Variants in EPHA6 observed in about 807,000 individuals in gnomAD.
EPHA6 encodes ephrin type-A receptor 6.
Under a neutral mutation model 112.0 loss-of-function variants are expected in EPHA6, and 50 were observed. The observed-to-expected ratio is 0.45, with a 90% CI of 0.36 to 0.56. The LOEUF is 0.56. Among genes scored for constraint, EPHA6 ranks in the 20% least tolerant of loss-of-function variants. The probability of loss-of-function intolerance (pLI) is 0.00; values close to 1 mark genes in which losing one functional copy is unlikely to be tolerated. For synonymous variants in EPHA6, 529 were observed against 490.7 expected (o/e 1.08, Z -1.03); for missense variants, 1,280 against 1,417.4 (o/e 0.90, Z 1.56).
rs555609988 is a variant in EPHA6, at chr3:97,373,718, T to G, written c.1607-31432T>G. Among the ~76,000 whole-genome samples, 98 of 152,244 alleles carry G rather than the reference T, an allele frequency of 6.4e-4. 1 individual carries two copies. The highest frequency in any genetic ancestry group is 2.2e-3 in the African/African-American group (91 of 41,556). On this transcript the variant is annotated intron_variant, in intron 5 of 17. Transcript: ENST00000389672. ...ATCATTTTTAAAGAAAATATATGAT[T>G]CTGAGCTTATCTTTTATTGCTATCT...
At chr3:97,596,731 G>C (rs1269847067) in intron 12 of EPHA6, among the ~76,000 whole-genome samples, 1 of 142,652 alleles carries the variant, frequency 7.0e-6, no homozygotes, top group East Asian at 2.1e-4. Context: ...TTTTCTATCA[G>C]TTGTGAGACT....
At chr3:97,449,237 G>T (rs139351395) in intron 7 of EPHA6, among the ~76,000 whole-genome samples, 375 of 152,200 alleles carry the variant, frequency 2.5e-3, no homozygotes, top group African/African-American at 8.6e-3. Context: ...ACCAAAATGG[G>T]AGATGAAGGG....
chr3:97,090,926 G>A (rs1312819602), intron 3 of EPHA6, among the ~76,000 whole-genome samples: 1 of 152,062 alleles, frequency 6.6e-6, no homozygotes, highest in Non-Finnish European at 1.5e-5. Context: ...AATATATGTT[G>A]CAGTGAATAA....
Position 97,716,592 on chromosome 3 carries a change from A to G in EPHA6, c.2785-3669A>G, listed in dbSNP as rs867253424. Among the ~76,000 whole-genome samples the G allele has an allele frequency of 2.9e-4, 36 of 124,402 alleles. No individual in the cohort carries two copies. The South Asian group carries it at 3.3e-3, about 11-fold the overall frequency. The allele number at this position is 124,402 out of a possible 152,430, so 81.6% of individuals were successfully genotyped here. A position where few individuals can be genotyped will look rare whatever the true frequency, so the allele number is the denominator to read the frequency against. On this transcript the variant is annotated intron_variant, in intron 14 of 17. Coordinates refer to ENST00000389672, the MANE Select transcript of EPHA6 (RefSeq NM_001080448.3). The stretch of plus-strand genomic sequence containing the variant: ...TCCGTCTCAAAAAAAAAAAAAAAAA[A>G]AAAAAAGAAAAGACCCAGGTGCTTC...
At chr3:97,401,729 T>C (rs1047754879) in intron 5 of EPHA6, among the ~76,000 whole-genome samples, 2 of 151,916 alleles carry the variant, frequency 1.3e-5, no homozygotes, top group Non-Finnish European at 2.9e-5. Flanking sequence ...TTGTTCTTGC[T>C]TTTCTAGTTC....
chr3:97,404,913 C>T (rs938755920), intron 5 of EPHA6, among the ~76,000 whole-genome samples: 3 of 152,004 alleles, frequency 2.0e-5, no homozygotes, highest in Non-Finnish European at 4.4e-5. Flanking sequence ...GAGTTCTGGC[C>T]CTTACTCTTG....
chr3:96,995,982 T>C (rs1031978986), intron 3 of EPHA6, among the ~76,000 whole-genome samples: 3 of 152,138 alleles, frequency 2.0e-5, no homozygotes, highest in Admixed American at 1.3e-4. Context: ...GTGTTTAATA[T>C]CATTTTACCC....
At position 97,107,732 on chromosome 3, in the gene EPHA6, T is replaced by C. The variant is rs555830614; in HGVS notation, c.1115-118532T>C. On this transcript the variant is annotated intron_variant, in intron 3 of 17. Transcript: ENST00000389672. ...ATGTCTTCTATTAGAATTTACTTGA[T>C]TCTGATGTATTAGGGAGGCTGAATT... 6.6e-5 allele frequency among the ~76,000 whole-genome samples: 10 copies of C among 152,270 alleles called. No homozygotes were observed. In the South Asian group the frequency reaches 2.1e-3, roughly 32 times the overall value.
chr3:97,405,420 TCTAA>T, intron 6 of EPHA6, 146 bp downstream of exon 6: 2 of 623,680 alleles, frequency 3.2e-6, no homozygotes, highest in Non-Finnish European at 5.4e-6. Flanking sequence ...TTGAATCCTC[TCTAA>T]CTTACTATTC....
chr3:97,219,742 A>G (rs777261737), intron 3 of EPHA6, among the ~76,000 whole-genome samples: 2 of 152,182 alleles, frequency 1.3e-5, no homozygotes, highest in African/African-American at 2.4e-5. Flanking sequence ...GGCAATTAAC[A>G]TTCAGCTCCT....
chr3:97,667,225 T>C (rs192433946), intron 14 of EPHA6, among the ~76,000 whole-genome samples: 1 of 152,338 alleles, frequency 6.6e-6, no homozygotes, highest in Non-Finnish European at 1.5e-5. Context: ...TGGCAAGTTA[T>C]AGCAAACATA....
At chr3:97,517,359 T>C (rs1433323353) in intron 10 of EPHA6, among the ~76,000 whole-genome samples, 1 of 152,078 alleles carries the variant, frequency 6.6e-6, no homozygotes, top group Non-Finnish European at 1.5e-5. Context: ...ATGGGTAATT[T>C]GGGAGAGGGA....
intron 8 of EPHA6, 128 bp from the exon 9 acceptor site, chr3:97,479,166 A>G (rs1388632243): frequency 3.2e-5 from 18 of 555,198 alleles, no homozygotes; most frequent in Non-Finnish European, 4.9e-5. Flanking sequence ...TTTTCACGTT[A>G]TAAAGATATT....
intron 14 of EPHA6, among the ~76,000 whole-genome samples, chr3:97,643,299 C>T (rs1387898916): frequency 2.0e-5 from 3 of 151,698 alleles, no homozygotes; most frequent in Non-Finnish European, 2.9e-5. Context: ...AAGCGCTAAA[C>T]ATGGAAAGGA....
intron 3 of EPHA6, among the ~76,000 whole-genome samples, chr3:97,202,403 T>G: frequency 6.6e-6 from 1 of 151,376 alleles, no homozygotes; most frequent in African/African-American, 2.4e-5. Flanking sequence ...CAGGCTAGAG[T>G]ACAGGCACCA....
chr3:97,466,505 AG>A lies in EPHA6; in HGVS notation c.1895-8846del, dbSNP rs1394276176. On this transcript the variant is annotated intron_variant, in intron 7 of 17. Transcript: ENST00000389672. ...CAGGTAACTGAAAAGTCAAAGGGGTAGTGTGAGGGTCGGGCCAAATCCAGGC... is the reference window on the plus strand; with the variant it reads ...CAGGTAACTGAAAAGTCAAAGGGGTATGTGAGGGTCGGGCCAAATCCAGGC... The A allele has an allele frequency of 2.7e-6, 3 of 1,103,690 alleles. No homozygotes were observed. The East Asian group carries it at 7.0e-5, about 26-fold the overall frequency. The allele number at this position is 1,103,690 out of a possible 1,614,324, so 68.4% of individuals were successfully genotyped here. A position where few individuals can be genotyped will look rare whatever the true frequency, so the allele number is the denominator to read the frequency against.
intron 5 of EPHA6, among the ~76,000 whole-genome samples, chr3:97,362,278 A>G (rs2084411771): frequency 6.6e-6 from 1 of 152,148 alleles, no homozygotes; most frequent in African/African-American, 2.4e-5. Flanking sequence ...GATATTCAGT[A>G]TTGCCAATCA....
At chr3:96,938,202 A>C (rs1333083863) in intron 2 of EPHA6, among the ~76,000 whole-genome samples, 2 of 152,064 alleles carry the variant, frequency 1.3e-5, no homozygotes, top group Non-Finnish European at 2.9e-5. Context: ...CTTGGGCAGT[A>C]TGGCCATTTT....
chr3:96,916,712 A>G (rs555251242), intron 2 of EPHA6, among the ~76,000 whole-genome samples: 1 of 152,252 alleles, frequency 6.6e-6, no homozygotes. Flanking sequence ...GATTACGTCA[A>G]AGGTTATTCT....
Sources: gnomAD v4.1 joint callset for allele counts (sites outside exome capture counted in the v4.1 genomes callset) on GRCh38, gnomAD v4.1.1 for gene constraint, MANE v1.5 for transcripts, NCBI Gene and HGNC (gene_info 2026-07-23, HGNC 2026-07-21) for gene names.